Variants in ITPA observed in about 807,000 individuals in gnomAD.
ITPA encodes inosine triphosphate pyrophosphatase.
Under a neutral mutation model 29.6 loss-of-function variants are expected in ITPA, and 29 were observed. That is an observed-to-expected ratio of 0.98 (90% CI 0.73 to 1.34). ITPA has a LOEUF of 1.34. Among genes scored for constraint, ITPA ranks in the 40% most tolerant of loss-of-function variants. The pLI, the probability that ITPA is intolerant of heterozygous loss-of-function variation, is 0.00. For missense variants in ITPA, 241 were observed against 251.5 expected, an observed-to-expected ratio of 0.96 and a Z score of 0.28; for synonymous variants, 103 against 99.3, an observed-to-expected ratio of 1.04 and a Z score of -0.22.
downstream of ITPA, among the ~76,000 whole-genome samples, chr20:3,224,354 G>T (rs1373695027): frequency 6.6e-6 from 1 of 152,216 alleles, no homozygotes; most frequent in Non-Finnish European, 1.5e-5. Context: ...TTCCCTGGAA[G>T]GGACCTCTCC....
intron 3 of ITPA, 148 bp downstream of exon 3, chr20:3,213,531 TTGGAACACTGCCTTCC>T: frequency 1.1e-6 from 1 of 908,928 alleles, no homozygotes; most frequent in Non-Finnish European, 1.7e-6. Flanking sequence ...AATATTGGCT[TTGGAACACTGCCTTCC>T]TTTGCCAGCC....
chr20:3,213,056 A>T, intron 1 of ITPA, 113 bp from the exon 2 acceptor site: 1 of 1,152,356 alleles, frequency 8.7e-7, no homozygotes, highest in Non-Finnish European at 1.3e-6. Flanking sequence ...CTGAGTTGGT[A>T]AGCTTTAGGA....
chr20:3,219,293 G>A (rs369039771), intron 6 of ITPA, among the ~76,000 whole-genome samples: 1 of 129,934 alleles, frequency 7.7e-6, no homozygotes, highest in African/African-American at 2.8e-5. Context: ...TGCAACCTCC[G>A]CCTCCAGGGT....
At chr20:3,219,018 T>C (rs1247490200) in intron 6 of ITPA, 12 of 229,078 alleles carry the variant, frequency 5.2e-5, no homozygotes, top group Non-Finnish European at 9.7e-5. Context: ...AAGCTATTTT[T>C]TTCTGTTTAT....
At chr20:3,224,817 G>C (rs2067539432), downstream of ITPA, among the ~76,000 whole-genome samples, 1 of 152,182 alleles carries the variant, frequency 6.6e-6, no homozygotes, top group South Asian at 2.1e-4. Flanking sequence ...GCACCTCTCT[G>C]TGTTTCCTGT....
At chr20:3,220,436 C>T (rs1285466463) in intron 6 of ITPA, among the ~76,000 whole-genome samples, 1 of 152,080 alleles carries the variant, frequency 6.6e-6, no homozygotes, top group Non-Finnish European at 1.5e-5. Flanking sequence ...AGTAACTGGC[C>T]TTAGTCACGC....
At position 3,214,002 on chromosome 20, in the gene ITPA, G is replaced by A. The variant is rs759942180; in HGVS notation, c.207G>A (p.Leu69=). 6.2e-7 allele frequency: 1 copy of A among 1,614,068 alleles called. No individual in the cohort carries two copies. Among genetic ancestry groups the A allele is most frequent in the African/African-American group, 1.3e-5 (1 of 74,930 alleles). The part of the protein sequence containing the change: ...EAVRQVQGPV[L]VEDTCLCFNA... ...TGCTGCAGGTACAGGGGCCCGTGCT[G>A]GTTGAGGACACTTGTCTGTGCTTCA... The change falls in exon 4 of 8, where the codon CTG becomes CTA. Residue 69 remains leucine, a synonymous_variant. Transcript: ENST00000380113.
At chr20:3,211,422 T>A (rs2067171254) in intron 1 of ITPA, among the ~76,000 whole-genome samples, 1 of 152,040 alleles carries the variant, frequency 6.6e-6, no homozygotes, top group Non-Finnish European at 1.5e-5. Context: ...CTCCACCCAT[T>A]TCGGCCTTTC....
At chr20:3,211,875 T>C (rs1184203261) in intron 1 of ITPA, among the ~76,000 whole-genome samples, 1 of 152,170 alleles carries the variant, frequency 6.6e-6, no homozygotes, top group Non-Finnish European at 1.5e-5. Flanking sequence ...GTTTCAAATG[T>C]ACAAAATAAA....
At chr20:3,211,065 TAAAA>T (rs1197439578) in intron 1 of ITPA, among the ~76,000 whole-genome samples, 1 of 112,910 alleles carries the variant, frequency 8.9e-6, no homozygotes, top group East Asian at 2.5e-4. Flanking sequence ...CTGTCTCAAA[TAAAA>T]AAAAAAAAAG....
chr20:3,221,198 T>C (rs2122432041), intron 6 of ITPA, among the ~76,000 whole-genome samples: 1 of 150,188 alleles, frequency 6.7e-6, no homozygotes, highest in South Asian at 2.1e-4. Context: ...GGCCAGATTT[T>C]CTTTTTCTTT....
chr20:3,212,427 C>T (rs2122309088), intron 1 of ITPA, among the ~76,000 whole-genome samples: 1 of 151,854 alleles, frequency 6.6e-6, no homozygotes, highest in East Asian at 1.9e-4. Context: ...CTCAAGCAAT[C>T]CTCCTGCCCC....
intron 6 of ITPA, chr20:3,218,995 G>A (rs370225799): frequency 3.7e-6 from 1 of 268,222 alleles, no homozygotes; most frequent in South Asian, 5.0e-5. Context: ...CAAACTGAAG[G>A]TGACAATTCC....
Position 3,213,330 on chromosome 20 carries a change from C to T in ITPA, c.136C>T (p.Gln46Ter), listed in dbSNP as rs2067217037. ...GTTTCCCTGATAAGTGCCGGAGTAC[C>T]AGGGGGAGCCGGATGAGATTTCCAT... ...VAQKIDLPEYQGEPDEISIQK... is the reference protein window; with the variant it reads ...VAQKIDLPEY The change falls in exon 3 of 8, where the codon CAG (glutamine) becomes TAG (stop). Residue 46 changes from glutamine (Q) to a stop codon, truncating the protein, a stop_gained. Coordinates refer to ENST00000380113, the MANE Select transcript of ITPA (RefSeq NM_033453.4). LOFTEE classifies it high-confidence loss of function. 3 of 1,614,066 alleles carry T rather than the reference C, an allele frequency of 1.9e-6. No homozygotes were observed. In the South Asian group the frequency reaches 3.3e-5, roughly 18 times the overall value.
At chr20:3,207,375 T>C (rs116936000), upstream of ITPA, among the ~76,000 whole-genome samples, 251 of 152,234 alleles carry the variant, frequency 1.6e-3, 8 homozygotes, top group East Asian at 0.047. Flanking sequence ...GAACACCTAC[T>C]ATGTACCAGG....
chr20:3,205,149 C>T (rs2067062003), upstream of ITPA, among the ~76,000 whole-genome samples: 1 of 152,118 alleles, frequency 6.6e-6, no homozygotes, highest in Admixed American at 6.6e-5. Context: ...CGCGCCCGGA[C>T]TATATATGTT....
Position 3,209,735 on chromosome 20 carries a change from G to T in ITPA, c.66+118G>T, listed in dbSNP as rs561064954. 1.2e-6 allele frequency: 1 copy of T among 814,854 alleles called. No individual in the cohort carries two copies. The highest frequency in any genetic ancestry group is 1.6e-5 in the South Asian group (1 of 62,202). The allele number at this position is 814,854 out of a possible 1,614,324, so 50.5% of individuals were successfully genotyped here. ...ATGGAGAGAGAACAGAATTCAGCCC[G>T]GAAGAATGGGTCCTGACCCGGCTGT... On this transcript the variant is annotated intron_variant, in intron 1 of 7. Coordinates refer to ENST00000380113, the MANE Select transcript of ITPA (RefSeq NM_033453.4). This position sits in a 1 kb window ranked among gnomAD's most constrained non-coding sequence, Gnocchi z 4.6.
intron 7 of ITPA, among the ~76,000 whole-genome samples, chr20:3,222,570 C>T (rs1328109803): frequency 2.0e-5 from 3 of 152,202 alleles, no homozygotes; most frequent in African/African-American, 7.2e-5. Context: ...AATGTCCAGG[C>T]TTTTGCAGCC....
Position 3,209,526 on chromosome 20 carries a change from G to A in ITPA, c.-26G>A, listed in dbSNP as rs1224882214. On this transcript the variant is annotated 5_prime_UTR_variant, in exon 1 of 8. Coordinates refer to ENST00000380113, the MANE Select transcript of ITPA (RefSeq NM_033453.4). This position sits in a 1 kb window ranked among gnomAD's most constrained non-coding sequence, Gnocchi z 4.6. ...ACTGGACGCCAAGGAGTTTTCGGTG[G>A]CTCAGCTGGGTAACCGGGGATCACC... 18 of 1,611,528 alleles carry A rather than the reference G, an allele frequency of 1.1e-5. No homozygotes were observed. The highest frequency in any genetic ancestry group is 1.5e-5 in the Non-Finnish European group (18 of 1,177,700).
Sources: allele counts gnomAD v4.1 joint callset (sites outside exome capture counted in the v4.1 genomes callset), GRCh38; gene constraint gnomAD v4.1.1; non-coding constraint Gnocchi (gnomAD v3.1); transcripts MANE v1.5; gene names NCBI Gene and HGNC (gene_info 2026-07-23, HGNC 2026-07-21).